The following TANC2 variants were observed in gnomAD, a reference collection of about 807,000 sequenced individuals.
The protein encoded by TANC2 is protein TANC2.
TANC2 carries 26 observed loss-of-function variants against 210.5 expected under a neutral mutation model. The observed-to-expected ratio is 0.12, with a 90% CI of 0.09 to 0.17. TANC2 has a LOEUF of 0.17. Ranked by LOEUF, TANC2 falls within the 10% of genes least tolerant of loss-of-function variation. The pLI is 1.00. For missense variants in TANC2, 2,129 were observed against 2,608.9 expected (o/e 0.82, Z 4.01); for synonymous variants, 931 against 967.1 (o/e 0.96, Z 0.69).
At chr17:63,114,491 C>T (rs1254340952) in intron 4 of TANC2, among the ~76,000 whole-genome samples, 1 of 152,210 alleles carries the variant, frequency 6.6e-6, no homozygotes, top group Non-Finnish European at 1.5e-5. Context: ...CATTACCCTA[C>T]TGCTGCAGAT....
At chr17:63,411,711 A>G in intron 22 of TANC2, 25 bp downstream of exon 22, 1 of 1,586,540 alleles carries the variant, frequency 6.3e-7, no homozygotes, top group Non-Finnish European at 8.6e-7. Context: ...ACAAGCCTCA[A>G]GAGAGCAGAG....
intron 2 of TANC2, among the ~76,000 whole-genome samples, chr17:63,060,205 G>A (rs538054272): frequency 6.6e-6 from 1 of 152,200 alleles, no homozygotes; most frequent in East Asian, 1.9e-4. Flanking sequence ...ACCAATTATT[G>A]AAATCAGTTA....
At chr17:63,040,880 G>T (rs951059047) in intron 2 of TANC2, among the ~76,000 whole-genome samples, 5 of 152,110 alleles carry the variant, frequency 3.3e-5, no homozygotes, top group Non-Finnish European at 7.4e-5. Flanking sequence ...TCTTATTTGA[G>T]AAAATATTTG....
intron 8 of TANC2, among the ~76,000 whole-genome samples, chr17:63,252,802 T>C (rs2218359): frequency 0.34 from 50,899 of 151,922 alleles, 9,173 homozygotes; most frequent in African/African-American, 0.47. Context: ...GTTTTTTGTT[T>C]TGTTGTGTTT....
intron 15 of TANC2, chr17:63,388,190 A>G (rs2047846758): frequency 6.5e-6 from 1 of 152,844 alleles, no homozygotes; most frequent in Admixed American, 6.5e-5. Flanking sequence ...TTTATTCACC[A>G]GAATTCAGTC....
intron 7 of TANC2, among the ~76,000 whole-genome samples, chr17:63,236,620 A>G (rs1263710466): frequency 1.3e-5 from 2 of 152,056 alleles, no homozygotes; most frequent in African/African-American, 2.4e-5. Flanking sequence ...CATTGAACCC[A>G]CTAAGTAATT....
intron 4 of TANC2, 26 bp from the exon 5 acceptor site, chr17:63,151,244 T>A: frequency 1.1e-6 from 1 of 927,094 alleles, no homozygotes; most frequent in Non-Finnish European, 1.3e-6. Context: ...GTCTCTTGCT[T>A]GCTCTCTCTC....
Position 63,011,645 on chromosome 17 carries a change from T to C in TANC2, c.67+2019T>C, listed in dbSNP as rs117261122. Among the ~76,000 whole-genome samples, 806 of 152,318 alleles carry C rather than the reference T, an allele frequency of 5.3e-3. 2 individuals carry two copies. The highest frequency in any genetic ancestry group is 0.017 in the South Asian group (84 of 4,822). ...AGGATTGTTACATGTTCCTGGTGAATTGACCTTTTTAAAACCACTATGAAA... is the reference window on the plus strand; with the variant it reads ...AGGATTGTTACATGTTCCTGGTGAACTGACCTTTTTAAAACCACTATGAAA... On this transcript the variant is annotated intron_variant, in intron 2 of 27. Transcript: ENST00000689528.
At chr17:63,246,758 G>T (rs898233176) in intron 8 of TANC2, among the ~76,000 whole-genome samples, 2 of 152,120 alleles carry the variant, frequency 1.3e-5, no homozygotes, top group Non-Finnish European at 2.9e-5. Context: ...GAATAGTGCT[G>T]CTGTGAACAT....
intron 8 of TANC2, among the ~76,000 whole-genome samples, chr17:63,239,154 A>G (rs968251581): frequency 6.6e-6 from 1 of 152,048 alleles, no homozygotes; most frequent in Admixed American, 6.6e-5. Flanking sequence ...TCTCTAAAAA[A>G]AAAAAAAAAA....
intron 7 of TANC2, among the ~76,000 whole-genome samples, chr17:63,201,392 TTTAA>T: frequency 6.6e-6 from 1 of 152,298 alleles, no homozygotes; most frequent in Admixed American, 6.5e-5. Context: ...ATATTAGTTA[TTTAA>T]TTAGTTTTGG....
At chr17:63,151,535 G>A in intron 5 of TANC2, 155 bp downstream of exon 5, 1 of 174,864 alleles carries the variant, frequency 5.7e-6, no homozygotes, top group Non-Finnish European at 1.1e-5. Flanking sequence ...AGTTTTTACT[G>A]AATGCCCTGT....
Position 63,421,776 on chromosome 17 carries a change from G to A in TANC2, c.6046G>A (p.Gly2016Arg), listed in dbSNP as rs1377406981. The change falls in exon 28 of 28, where the codon GGA (glycine) becomes AGA (arginine). Residue 2016 changes from glycine (G) to arginine (R), a missense_variant. This residue lies in a region of TANC2 where 161 missense variants were observed against 178.6 expected (regional missense o/e 0.90). Transcript: ENST00000689528. This position sits in a 1 kb window ranked among gnomAD's most constrained non-coding sequence, Gnocchi z 6.9. Reference sequence around the variant, plus strand: ...TGGGATGCTGGCTAACGGGTCTCGTGGAGACCTCTTGGAGCGAGTCAGCCA... The same window carrying A: ...TGGGATGCTGGCTAACGGGTCTCGTAGAGACCTCTTGGAGCGAGTCAGCCA... The A allele has an allele frequency of 6.2e-7, 1 of 1,613,930 alleles. No individual in the cohort carries two copies. Among genetic ancestry groups the A allele is most frequent in the Non-Finnish European group, 8.5e-7 (1 of 1,179,910 alleles).
intron 5 of TANC2, among the ~76,000 whole-genome samples, chr17:63,181,500 A>G (rs756108071): frequency 1.3e-5 from 2 of 152,220 alleles, no homozygotes; most frequent in Non-Finnish European, 2.9e-5. Flanking sequence ...CTGAAATGGA[A>G]CATTTCAACA....
intron 9 of TANC2, among the ~76,000 whole-genome samples, chr17:63,273,048 G>A (rs1360051674): frequency 6.6e-6 from 1 of 152,164 alleles, no homozygotes; most frequent in Non-Finnish European, 1.5e-5. Flanking sequence ...AGAAGGCCAA[G>A]GTGGGAGGCT....
intron 2 of TANC2, among the ~76,000 whole-genome samples, chr17:63,055,982 AAAAAAAAAATATATAT>A (rs1349661934): frequency 2.6e-4 from 9 of 34,538 alleles, no homozygotes; most frequent in East Asian, 1.3e-3. Flanking sequence ...AAAAAAAAAA[AAAAAAAAAATATATAT>A]ATATATATAT....
At chr17:63,139,185 A>G (rs1272579775) in intron 4 of TANC2, among the ~76,000 whole-genome samples, 7 of 152,200 alleles carry the variant, frequency 4.6e-5, no homozygotes, top group African/African-American at 1.7e-4. Flanking sequence ...CAATTCTCTT[A>G]TTACCTAACC....
intron 14 of TANC2, among the ~76,000 whole-genome samples, chr17:63,372,041 A>AGGGGAGGAGGGAGAGTGCTGG (rs2047284137): frequency 6.6e-6 from 1 of 152,184 alleles, no homozygotes; most frequent in Non-Finnish European, 1.5e-5. Context: ...TATCCAGCAA[A>AGGGGAGGAGGGAGAGTGCTGG]GGGGAGGAGG....
intron 10 of TANC2, among the ~76,000 whole-genome samples, chr17:63,317,943 T>C (rs2045365339): frequency 2.6e-5 from 4 of 151,878 alleles, no homozygotes; most frequent in Admixed American, 2.6e-4. Flanking sequence ...AATGCAGAAA[T>C]AATACAGTAA....
Sources: gnomAD v4.1 joint callset for allele counts (sites outside exome capture counted in the v4.1 genomes callset) on GRCh38, gnomAD v4.1.1 for gene constraint, gnomAD v4.1.1 regional missense constraint, Gnocchi (gnomAD v3.1) non-coding constraint, MANE v1.5 for transcripts, NCBI Gene and HGNC (gene_info 2026-07-23, HGNC 2026-07-21) for gene names.